The following C6orf120 variants were observed in gnomAD, a reference collection of about 807,000 sequenced individuals.
C6orf120 encodes the protein chromosome 6 open reading frame 120, also known as UPF0669 protein C6orf120.
For synonymous variants in C6orf120, 165 were observed against 123.1 expected (o/e 1.34, Z -2.25); for missense variants, 311 against 264.2 (o/e 1.18, Z -1.23).
downstream of C6orf120, chr6:169,704,858 T>TA: frequency 6.3e-6 from 2 of 317,956 alleles, no homozygotes; most frequent in Admixed American, 9.9e-5. Flanking sequence ...AAGGCTTTGT[T>TA]ACTTTAGTAT....
chr6:169,703,369 A>G (rs1788559313), exon 1 of C6orf120: 1 of 298,820 alleles, frequency 3.3e-6, no homozygotes, highest in South Asian at 5.5e-5. Flanking sequence ...CAAAAGGTTG[A>G]TAACTTTGTA....
At chr6:169,705,888 G>A (rs1422380269), downstream of C6orf120, among the ~76,000 whole-genome samples, 1 of 152,146 alleles carries the variant, frequency 6.6e-6, no homozygotes, top group Non-Finnish European at 1.5e-5. Flanking sequence ...ATGTAAGACT[G>A]CCTACTGAAG....
chr6:169,702,272 G>A, exon 1 of C6orf120: 1 of 690,380 alleles, frequency 1.4e-6, no homozygotes, highest in Admixed American at 2.0e-5. Context: ...CTACGGGGGA[G>A]GGGTTAACCC....
exon 1 of C6orf120, chr6:169,704,392 C>G (rs1372899829): frequency 1.8e-5 from 6 of 327,990 alleles, no homozygotes; most frequent in Non-Finnish European, 3.4e-5. Flanking sequence ...TTCAAAAGGT[C>G]AAAACCCATT....
chr6:169,705,377 G>A, downstream of C6orf120: 1 of 1,242,640 alleles, frequency 8.0e-7, no homozygotes, highest in Middle Eastern at 1.9e-4. Context: ...ACTTAATATG[G>A]CACATAAAAT....
At chr6:169,703,106 C>CTACTA in exon 1 of C6orf120, 1 of 1,436,432 alleles carries the variant, frequency 7.0e-7, no homozygotes, top group Non-Finnish European at 9.4e-7. Flanking sequence ...GTGAACCTTG[C>CTACTA]TACTTGTACT....
exon 1 of C6orf120, chr6:169,702,651 G>A (rs1788411648): frequency 1.2e-6 from 2 of 1,613,442 alleles, no homozygotes; most frequent in Non-Finnish European, 1.7e-6. Context: ...ACGAGGGCAA[G>A]ATAGTCCTCA....
exon 1 of C6orf120, chr6:169,704,057 G>T (rs1301511842): frequency 6.3e-7 from 1 of 1,581,522 alleles, no homozygotes. Context: ...GTGTTGGGGG[G>T]GCCCGCTGAC....
At chr6:169,705,752 T>G, downstream of C6orf120, 2 of 1,080,778 alleles carry the variant, frequency 1.9e-6, no homozygotes, top group South Asian at 2.5e-5. Context: ...GGCTATAAAT[T>G]CATGCCAGAA....
exon 1 of C6orf120, chr6:169,702,432 T>G: frequency 7.1e-7 from 1 of 1,409,786 alleles, no homozygotes; most frequent in Non-Finnish European, 9.7e-7. Flanking sequence ...CTGACCCACT[T>G]GCAGGCCCCG....
At chr6:169,703,963 C>CCA in exon 1 of C6orf120, 1 of 1,423,486 alleles carries the variant, frequency 7.0e-7, no homozygotes, top group South Asian at 1.4e-5. Context: ...ACCAAATATT[C>CCA]CACTTAAATG....
downstream of C6orf120, chr6:169,705,654 GCCTTT>G (rs1788757955): frequency 4.5e-6 from 7 of 1,569,566 alleles, no homozygotes; most frequent in Non-Finnish European, 6.1e-6. Context: ...AAGTGATTCA[GCCTTT>G]CCTTTCTTGT....
exon 1 of C6orf120, chr6:169,704,795 A>G (rs1585295324): frequency 1.0e-5 from 2 of 197,678 alleles, no homozygotes; most frequent in African/African-American, 4.7e-5. Context: ...ATAGAAATGT[A>G]TAAAGACGTA....
upstream of C6orf120, chr6:169,702,188 G>T: frequency 1.5e-6 from 1 of 668,396 alleles, no homozygotes; most frequent in Non-Finnish European, 2.8e-6. Flanking sequence ...CCCCCTGCGG[G>T]GAGTGGTGGT....
At chr6:169,704,314 C>T (rs535289405) in exon 1 of C6orf120, 23 of 491,050 alleles carry the variant, frequency 4.7e-5, no homozygotes, top group Non-Finnish European at 7.2e-5. Context: ...GGGAGAGATG[C>T]AATGCCATAC....
exon 1 of C6orf120, chr6:169,704,623 T>C (rs1788708967): frequency 5.9e-6 from 1 of 169,428 alleles, no homozygotes; most frequent in African/African-American, 2.4e-5. Flanking sequence ...GCATATATTT[T>C]ATAAGAGTAT....
chr6:169,703,739 A>G (rs1361128393), exon 1 of C6orf120: 4 of 445,736 alleles, frequency 9.0e-6, no homozygotes, highest in East Asian at 8.2e-5. Flanking sequence ...TTTTGGGGCT[A>G]TGGAGAAACA....
chr6:169,705,141 A>C (rs779093856), downstream of C6orf120: 2 of 1,606,182 alleles, frequency 1.2e-6, no homozygotes, highest in Non-Finnish European at 1.7e-6. Flanking sequence ...ACCTGATGGA[A>C]TAGCACCAAG....
exon 1 of C6orf120, chr6:169,702,608 G>T: frequency 6.2e-7 from 1 of 1,613,356 alleles, no homozygotes; most frequent in Non-Finnish European, 8.5e-7. Context: ...GGCCAGATAG[G>T]CGCCGGGAAC....
Sources: gnomAD v4.1 joint callset for allele counts (sites outside exome capture counted in the v4.1 genomes callset) on GRCh38, gnomAD v4.1.1 for gene constraint, MANE v1.5 for transcripts, NCBI Gene and HGNC (gene_info 2026-07-23, HGNC 2026-07-21) for gene names.